The following ADAM2 variants were observed in gnomAD, a reference collection of about 807,000 sequenced individuals.
ADAM2 encodes ADAM metallopeptidase domain 2.
A neutral mutation model predicts 99.3 loss-of-function variants in ADAM2; 101 were observed. The ratio of observed to expected loss-of-function variants is 1.02; its 90% CI spans 0.87 to 1.20. The LOEUF (loss-of-function observed/expected upper bound fraction) is 1.20, where lower values mean the gene tolerates loss of function less well. Ranked by LOEUF, ADAM2 falls within the 50% of genes most tolerant of loss-of-function variation. The probability of loss-of-function intolerance (pLI) is 0.00; values close to 1 mark genes in which losing one functional copy is unlikely to be tolerated. For missense variants in ADAM2, 948 were observed against 878.7 expected (o/e 1.08, Z -1.00); for synonymous variants, 323 against 287.6 (o/e 1.12, Z -1.25).
At position 39,749,762 on chromosome 8, in the gene ADAM2, A is replaced by T. The variant is rs1312852857; in HGVS notation, c.1798-18T>A. 2 of 1,603,496 alleles carry T rather than the reference A, an allele frequency of 1.2e-6. No homozygotes were observed. The highest frequency in any genetic ancestry group is 1.7e-5 in the Admixed American group (1 of 59,478). On this transcript the variant is annotated intron_variant, in intron 16 of 20. Coordinates refer to ENST00000265708, the MANE Select transcript of ADAM2 (RefSeq NM_001464.5). ...CTGCAAACCTAAAAAGGATGAGCAA[A>T]AATAAGTTAATTGACATGCCATCTA...
rs1286445960 is a variant in ADAM2, at chr8:39,821,116, T to G, written c.399A>C (p.Ser133=). Residue 133 remains serine, a synonymous_variant, in exon 6 of 21, where the codon TCA becomes TCC. Coordinates refer to ENST00000265708, the MANE Select transcript of ADAM2 (RefSeq NM_001464.5). Reference sequence around the variant, plus strand: ...GGTAAATTACATGTTCAAAGCCAACTGAAGACTCCAGGGGTTCTATTCCAT... The same window carrying G: ...GGTAAATTACATGTTCAAAGCCAACGGAAGACTCCAGGGGTTCTATTCCAT... ...VSYGIEPLES[S]VGFEHVIYQV... 1.1e-5 allele frequency: 17 copies of G among 1,612,440 alleles called. No homozygotes were observed. Among genetic ancestry groups the G allele is most frequent in the Non-Finnish European group, 1.4e-5 (17 of 1,178,868 alleles).
At chr8:39,818,683 G>A (rs1805050974) in intron 6 of ADAM2, among the ~76,000 whole-genome samples, 1 of 151,968 alleles carries the variant, frequency 6.6e-6, no homozygotes, top group South Asian at 2.1e-4. Flanking sequence ...AAGTCGTGGA[G>A]TTCAATAGAG....
At chr8:39,757,306 C>T (rs985089753) in intron 15 of ADAM2, among the ~76,000 whole-genome samples, 6 of 152,024 alleles carry the variant, frequency 3.9e-5, no homozygotes, top group Admixed American at 2.6e-4. Context: ...AACACACATG[C>T]TCACACTTTG....
chr8:39,820,779 C>T (rs1194348300), intron 6 of ADAM2, among the ~76,000 whole-genome samples: 1 of 152,052 alleles, frequency 6.6e-6, no homozygotes, highest in East Asian at 1.9e-4. Flanking sequence ...AAAAAGATGC[C>T]ACTAACAGTT....
intron 8 of ADAM2, among the ~76,000 whole-genome samples, 198 bp downstream of exon 8, chr8:39,788,471 C>A (rs542247375): frequency 6.6e-6 from 1 of 151,734 alleles, no homozygotes; most frequent in Non-Finnish European, 1.5e-5. Context: ...ATACCCCATG[C>A]TTTATATAAT....
chr8:39,798,064 T>C (rs1236468531), intron 7 of ADAM2, among the ~76,000 whole-genome samples: 1 of 152,240 alleles, frequency 6.6e-6, no homozygotes, highest in African/African-American at 2.4e-5. Flanking sequence ...GGCCAGAACT[T>C]CCAATACTAT....
chr8:39,785,964 A>G (rs1470580430), intron 10 of ADAM2, among the ~76,000 whole-genome samples: 2 of 152,226 alleles, frequency 1.3e-5, no homozygotes, highest in South Asian at 2.1e-4. Context: ...CATATAAACC[A>G]TGGAATACTA....
chr8:39,770,681 A>G (rs113156585), intron 11 of ADAM2, among the ~76,000 whole-genome samples: 14 of 152,342 alleles, frequency 9.2e-5, no homozygotes, highest in African/African-American at 3.4e-4. Context: ...ATACATGTAA[A>G]GTACTAAAAA....
chr8:39,761,632 G>A (rs1028758787), intron 14 of ADAM2, among the ~76,000 whole-genome samples: 11 of 152,212 alleles, frequency 7.2e-5, no homozygotes, highest in Non-Finnish European at 1.3e-4. Context: ...AACAGTTTTA[G>A]CATGAATGTC....
intron 10 of ADAM2, among the ~76,000 whole-genome samples, chr8:39,778,896 G>T (rs1803107189): frequency 6.6e-6 from 1 of 151,876 alleles, no homozygotes; most frequent in Non-Finnish European, 1.5e-5. Context: ...ACCCATAAAT[G>T]CATCTTTATA....
Position 39,838,150 on chromosome 8 carries a change from G to C in ADAM2, c.36C>G (p.Gly12=), listed in dbSNP as rs113014878. 1.9e-6 allele frequency: 3 copies of C among 1,614,078 alleles called. No individual in the cohort carries two copies. The East Asian group carries it at 6.7e-5, about 36-fold the overall frequency. Reference sequence around the variant, plus strand: ...GCTTACTACTGTCCATCCGCAGCCCGCCGAGCCCGCTGAGCAGAAACAAGA... The same window carrying C: ...GCTTACTACTGTCCATCCGCAGCCCCCCGAGCCCGCTGAGCAGAAACAAGA... The part of the protein sequence containing the change: ...WRVLFLLSGL[G]GLRMDSNFDS... The change falls in exon 1 of 21, where the codon GGC becomes GGG. Residue 12 remains glycine, a synonymous_variant. Transcript: ENST00000265708.
At chr8:39,797,342 A>G (rs1010891368) in intron 7 of ADAM2, among the ~76,000 whole-genome samples, 5 of 152,176 alleles carry the variant, frequency 3.3e-5, no homozygotes, top group African/African-American at 1.2e-4. Context: ...CAGGATTGTC[A>G]AAGACCAGAT....
rs1366144512 is a variant in ADAM2, at chr8:39,764,882, G to T, written c.1507+1966C>A. The stretch of plus-strand genomic sequence containing the variant: ...ATACAAAAATTAGCCGGGTGTGGTG[G>T]TGTGTGCATCTAATCACAGCTACTC... On this transcript the variant is annotated intron_variant, in intron 14 of 20. Coordinates refer to ENST00000265708, the MANE Select transcript of ADAM2 (RefSeq NM_001464.5). Among the ~76,000 whole-genome samples, 10 of 152,096 alleles carry T rather than the reference G, an allele frequency of 6.6e-5. No homozygotes were observed. The East Asian group carries it at 1.2e-3, about 18-fold the overall frequency.
At chr8:39,757,829 A>T (rs1447320948) in intron 15 of ADAM2, among the ~76,000 whole-genome samples, 1 of 152,212 alleles carries the variant, frequency 6.6e-6, no homozygotes, top group Non-Finnish European at 1.5e-5. Flanking sequence ...TGCTAAACAC[A>T]CATAGAAAAA....
intron 11 of ADAM2, among the ~76,000 whole-genome samples, chr8:39,775,767 C>T (rs531755722): frequency 6.6e-6 from 1 of 152,250 alleles, no homozygotes; most frequent in South Asian, 2.1e-4. Context: ...CTTGTACTCT[C>T]TGGACCTTCT....
intron 20 of ADAM2, 109 bp downstream of exon 20, chr8:39,744,721 C>T (rs2129582476): frequency 1.5e-6 from 1 of 654,422 alleles, no homozygotes; most frequent in Non-Finnish European, 2.5e-6. Context: ...TTGATAGGTG[C>T]AGCAAACCAC....
At chr8:39,781,792 T>C (rs1295245529) in intron 10 of ADAM2, among the ~76,000 whole-genome samples, 1 of 152,104 alleles carries the variant, frequency 6.6e-6, no homozygotes, top group African/African-American at 2.4e-5. Flanking sequence ...AACAGACTAG[T>C]AGGGTTTACA....
At chr8:39,835,290 C>A (rs1218579919) in intron 2 of ADAM2, among the ~76,000 whole-genome samples, 1 of 152,180 alleles carries the variant, frequency 6.6e-6, no homozygotes, top group Non-Finnish European at 1.5e-5. Flanking sequence ...TGTTGCATTT[C>A]ATCTTTTCAG....
intron 3 of ADAM2, among the ~76,000 whole-genome samples, chr8:39,828,230 A>G (rs1311523679): frequency 2.0e-5 from 3 of 151,870 alleles, no homozygotes; most frequent in Non-Finnish European, 4.4e-5. Context: ...AAAAATAGTA[A>G]TACTTCATGG....
Sources: gnomAD v4.1 joint callset for allele counts (sites outside exome capture counted in the v4.1 genomes callset) on GRCh38, gnomAD v4.1.1 for gene constraint, MANE v1.5 for transcripts, NCBI Gene and HGNC (gene_info 2026-07-23, HGNC 2026-07-21) for gene names.